The following SMARCA1 variants were observed in gnomAD, a reference collection of about 807,000 sequenced individuals.
The protein encoded by SMARCA1 is SNF2 related chromatin remodeling ATPase 1, also known as SWI/SNF-related matrix-associated actin-dependent regulator of chromatin subfamily A member 1.
Under a neutral mutation model 93.6 loss-of-function variants are expected in SMARCA1, and 17 were observed. The ratio of observed to expected loss-of-function variants is 0.18; its 90% CI spans 0.12 to 0.27. The LOEUF (loss-of-function observed/expected upper bound fraction) is 0.27, where lower values mean the gene tolerates loss of function less well. Among genes scored for constraint, SMARCA1 ranks in the 10% least tolerant of loss-of-function variants. SMARCA1 has a pLI of 1.00. For synonymous variants in SMARCA1, 271 were observed against 271.4 expected (o/e 1.00, Z 0.01); for missense variants, 630 against 819.0 (o/e 0.77, Z 2.82).
intron 9 of SMARCA1, among the ~76,000 whole-genome samples, chrX:129,501,513 C>T (rs1934556640): frequency 9.2e-6 from 1 of 109,021 alleles, no homozygotes; most frequent in Non-Finnish European, 1.9e-5. Flanking sequence ...CCAGGCTGGT[C>T]TCGAACTCCT....
intron 19 of SMARCA1, among the ~76,000 whole-genome samples, chrX:129,472,515 C>A (rs1446732456): frequency 1.8e-5 from 2 of 111,275 alleles, no homozygotes; most frequent in Non-Finnish European, 3.8e-5. Flanking sequence ...CTATTAAGTA[C>A]AATAGTTCTT....
intron 19 of SMARCA1, among the ~76,000 whole-genome samples, chrX:129,474,001 T>C (rs1015487884): frequency 8.9e-6 from 1 of 111,849 alleles, no homozygotes; most frequent in African/African-American, 3.2e-5. Flanking sequence ...ATGACATGCA[T>C]GTTGAAGTGT....
chrX:129,512,001 G>A lies in SMARCA1; in HGVS notation c.631-18C>T, dbSNP rs1602730935. The stretch of plus-strand genomic sequence containing the variant: ...CCAAGGCCCTGCATTATCATCACAA[G>A]GAAAAAAATCCATGAACATTTTTTC... On this transcript the variant is annotated intron_variant, in intron 5 of 24. Transcript: ENST00000371121. The A allele has an allele frequency of 2.7e-6, 3 of 1,128,335 alleles. No homozygotes were observed. Among genetic ancestry groups the A allele is most frequent in the Non-Finnish European group, 3.5e-6 (3 of 846,834 alleles). 93.0% of individuals were successfully genotyped at this position (1,128,335 alleles called of 1,213,427 possible). A position where few individuals can be genotyped will look rare whatever the true frequency, so the allele number is the denominator to read the frequency against.
intron 18 of SMARCA1, 115 bp from the exon 19 acceptor site, chrX:129,480,929 T>C (rs1168289859): frequency 5.2e-5 from 30 of 579,533 alleles, no homozygotes; most frequent in Non-Finnish European, 6.7e-5. Context: ...AATCCATTTA[T>C]ATGGCTGGGC....
rs1256786642 is a variant in SMARCA1, at chrX:129,467,375, C to T, written c.2698+1398G>A. ...ACATACACCGATGTTATCTCCCTGC[C>T]TATCTTCTGAAAAAAATTCTTCTTA... is the stretch of plus-strand genomic sequence containing the variant. On this transcript the variant is annotated intron_variant, in intron 21 of 24. Coordinates refer to ENST00000371121, the MANE Select transcript of SMARCA1 (RefSeq NM_001282874.2). Among the ~76,000 whole-genome samples the T allele has an allele frequency of 4.5e-5, 5 of 111,480 alleles. No homozygotes were observed. The South Asian group carries it at 1.9e-3, about 42-fold the overall frequency.
chrX:129,497,749 G>T, intron 11 of SMARCA1, 96 bp downstream of exon 11: 1 of 545,872 alleles, frequency 1.8e-6, no homozygotes, highest in Non-Finnish European at 3.0e-6. Flanking sequence ...AACAATGTCT[G>T]CTGAATAAGT....
chrX:129,516,983 A>G (rs1247363775), intron 2 of SMARCA1, among the ~76,000 whole-genome samples: 1 of 111,556 alleles, frequency 9.0e-6, no homozygotes, highest in Non-Finnish European at 1.9e-5. Context: ...AGTTGTATCC[A>G]GAAATAACTT....
intron 7 of SMARCA1, 46 bp from the exon 8 acceptor site, chrX:129,506,257 C>A: frequency 1.1e-6 from 1 of 944,311 alleles, no homozygotes; most frequent in Non-Finnish European, 1.5e-6. Flanking sequence ...TATTAGAATG[C>A]TCAACATTCA....
At chrX:129,463,572 C>T (rs186241435) in intron 23 of SMARCA1, among the ~76,000 whole-genome samples, 4 of 112,140 alleles carry the variant, frequency 3.6e-5, no homozygotes, top group Non-Finnish European at 7.5e-5. Context: ...ATTCTTCCTA[C>T]TGTACCTTGC....
chrX:129,497,864 C>T lies in SMARCA1; in HGVS notation c.1485G>A (p.Leu495=), dbSNP rs755233409. 1 of 1,199,355 alleles carries T rather than the reference C, an allele frequency of 8.3e-7. No homozygotes were observed. The highest frequency in any genetic ancestry group is 1.8e-5 in the South Asian group (1 of 56,379). The part of the protein sequence containing the change: ...SGKMVVLDKL[L]AKLKEQGSRV... ...ACTCACCCTGTTCTTTGAGTTTGGC[C>T]AATAGTTTATCCAGAACTACCATTT... Residue 495 remains leucine, a synonymous_variant, in exon 11 of 25, where the codon TTG becomes TTA. Coordinates refer to ENST00000371121, the MANE Select transcript of SMARCA1 (RefSeq NM_001282874.2).
chrX:129,523,475 T>A lies in SMARCA1; in HGVS notation c.-105A>T. 1.6e-6 allele frequency: 1 copy of A among 622,521 alleles called. No individual in the cohort carries two copies. Among genetic ancestry groups the A allele is most frequent in the East Asian group, 3.8e-5 (1 of 26,123 alleles). 51.3% of individuals were successfully genotyped at this position (622,521 alleles called of 1,213,427 possible). ...AGCTAGATGGAGCAGGGGTGGGGAA[T>A]CACTCCGCTTCCAACCCCTTCGCTC... On this transcript the variant is annotated 5_prime_UTR_variant, in exon 1 of 25. Coordinates refer to ENST00000371121, the MANE Select transcript of SMARCA1 (RefSeq NM_001282874.2).
intron 14 of SMARCA1, 94 bp from the exon 15 acceptor site, chrX:129,490,286 T>C: frequency 5.5e-6 from 3 of 547,210 alleles, no homozygotes; most frequent in Admixed American, 8.1e-5. Flanking sequence ...AAATTAGTTA[T>C]TTTTCTCTAG....
At chrX:129,500,681 T>C (rs1046257521) in intron 9 of SMARCA1, among the ~76,000 whole-genome samples, 1 of 112,289 alleles carries the variant, frequency 8.9e-6, no homozygotes, top group African/African-American at 3.2e-5. Flanking sequence ...TATGTATTTA[T>C]TTGTTTTTTC....
chrX:129,468,701 G>A, intron 21 of SMARCA1, 72 bp downstream of exon 21: 3 of 750,187 alleles, frequency 4.0e-6, no homozygotes, highest in Non-Finnish European at 3.9e-6. Flanking sequence ...CTGAACAAAG[G>A]TACAATTAAA....
rs767503297 is a variant in SMARCA1, at chrX:129,455,695, C to T, written c.3031-7252G>A. ...CTGATATGGAGAAAGTTTTAGTGGT[C>T]TGGACAGATCAAACCAGCCACAACA... On this transcript the variant is annotated intron_variant, in intron 23 of 24. Coordinates refer to ENST00000371121, the MANE Select transcript of SMARCA1 (RefSeq NM_001282874.2). 2.9e-3 allele frequency among the ~76,000 whole-genome samples: 326 copies of T among 111,801 alleles called. 1 individual carries two copies. The highest frequency in any genetic ancestry group is 0.01 in the African/African-American group (311 of 30,823).
intron 20 of SMARCA1, 104 bp from the exon 21 acceptor site, chrX:129,469,009 G>GGC: frequency 2.2e-6 from 1 of 452,821 alleles, no homozygotes; most frequent in East Asian, 4.4e-5. Flanking sequence ...CACTTTAAAA[G>GGC]ACTTAAAATG....
At chrX:129,468,322 G>C (rs947200583) in intron 21 of SMARCA1, among the ~76,000 whole-genome samples, 1 of 111,933 alleles carries the variant, frequency 8.9e-6, no homozygotes, top group Non-Finnish European at 1.9e-5. Context: ...GGACCCACAG[G>C]AACTCTCTGG....
At chrX:129,510,338 C>T (rs1249197961) in intron 6 of SMARCA1, among the ~76,000 whole-genome samples, 4 of 112,598 alleles carry the variant, frequency 3.6e-5, no homozygotes, top group Admixed American at 9.4e-5. Context: ...AAGCTAAAGT[C>T]ACAACCCACT....
chrX:129,506,689 C>CAAAAAA (rs1484081895), intron 7 of SMARCA1, among the ~76,000 whole-genome samples: 37 of 46,156 alleles, frequency 8.0e-4, no homozygotes, highest in Middle Eastern at 0.019. Context: ...AACTCCGTCT[C>CAAAAAA]AAAAAAAAAA....
Sources: allele counts gnomAD v4.1 joint callset (sites outside exome capture counted in the v4.1 genomes callset), GRCh38; gene constraint gnomAD v4.1.1; transcripts MANE v1.5; gene names NCBI Gene and HGNC (gene_info 2026-07-23, HGNC 2026-07-21).